The following KCNIP4 variants were observed in gnomAD, a reference collection of about 807,000 sequenced individuals.
KCNIP4 encodes Kv channel-interacting protein 4.
In KCNIP4, 12 loss-of-function variants were observed where a neutral mutation model predicts 34.0. The ratio of observed to expected loss-of-function variants is 0.35; its 90% CI spans 0.23 to 0.57. The LOEUF (loss-of-function observed/expected upper bound fraction) is 0.57. Ranked by LOEUF, KCNIP4 falls within the 20% of genes least tolerant of loss-of-function variation. The probability of loss-of-function intolerance (pLI) is 0.83; values close to 1 mark genes in which losing one functional copy is unlikely to be tolerated. For missense variants in KCNIP4, 238 were observed against 311.7 expected (o/e 0.76, Z 1.78); for synonymous variants, 124 against 102.2 (o/e 1.21, Z -1.29).
At chr4:21,615,640 T>C (rs1037578891) in intron 1 of KCNIP4, among the ~76,000 whole-genome samples, 5 of 152,128 alleles carry the variant, frequency 3.3e-5, no homozygotes, top group African/African-American at 4.8e-5. Context: ...AAACAAAGAA[T>C]TGAGGAGAAA....
chr4:21,487,188 G>T (rs1029796631), intron 1 of KCNIP4, among the ~76,000 whole-genome samples: 3 of 152,000 alleles, frequency 2.0e-5, no homozygotes, highest in Non-Finnish European at 2.9e-5. Context: ...GCATTTAGTT[G>T]TCATGTCTCC....
At chr4:20,982,677 T>C (rs1410154664) in intron 1 of KCNIP4, among the ~76,000 whole-genome samples, 2 of 152,218 alleles carry the variant, frequency 1.3e-5, no homozygotes, top group African/African-American at 4.8e-5. Context: ...AAGGACTTTC[T>C]GAAGATAAGA....
intron 3 of KCNIP4, among the ~76,000 whole-genome samples, chr4:20,769,118 T>A (rs567801176): frequency 6.7e-6 from 1 of 149,172 alleles, no homozygotes; most frequent in African/African-American, 2.5e-5. Flanking sequence ...CTACTACTAA[T>A]GAAGAAATAA....
intron 1 of KCNIP4, among the ~76,000 whole-genome samples, chr4:21,776,427 T>C (rs1719185276): frequency 6.6e-6 from 1 of 152,204 alleles, no homozygotes; most frequent in Non-Finnish European, 1.5e-5. Context: ...TCATGTATTA[T>C]GGAGTTTTCC....
chr4:21,337,047 G>A (rs950064309), intron 1 of KCNIP4, among the ~76,000 whole-genome samples: 3 of 151,730 alleles, frequency 2.0e-5, no homozygotes, highest in Non-Finnish European at 2.9e-5. Flanking sequence ...AGAGGAAAGA[G>A]CATGGCAGGT....
At chr4:21,332,220 C>G (rs12643913) in intron 1 of KCNIP4, among the ~76,000 whole-genome samples, 14,396 of 152,020 alleles carry the variant, frequency 0.095, 868 homozygotes, top group East Asian at 0.14. Flanking sequence ...ATATTAACCC[C>G]TCTGTTGGGA....
At chr4:21,813,676 A>G (rs1346039395) in intron 1 of KCNIP4, among the ~76,000 whole-genome samples, 1 of 152,216 alleles carries the variant, frequency 6.6e-6, no homozygotes, top group Non-Finnish European at 1.5e-5. Flanking sequence ...TTGCATAGAA[A>G]AACCCTTTAA....
chr4:21,614,976 C>T (rs540624040), intron 1 of KCNIP4, among the ~76,000 whole-genome samples: 99 of 152,230 alleles, frequency 6.5e-4, no homozygotes, highest in African/African-American at 2.2e-3. Flanking sequence ...AAGTAGAGCA[C>T]ACCTATTTCT....
chr4:21,018,477 C>CCCA, intron 1 of KCNIP4, among the ~76,000 whole-genome samples: 1 of 152,250 alleles, frequency 6.6e-6, no homozygotes, highest in South Asian at 2.1e-4. Flanking sequence ...GGCCACACCT[C>CCCA]CCACAGACTC....
intron 3 of KCNIP4, among the ~76,000 whole-genome samples, chr4:20,804,423 C>A (rs933865748): frequency 6.6e-6 from 1 of 152,154 alleles, no homozygotes; most frequent in Non-Finnish European, 1.5e-5. Flanking sequence ...ATTTTAAGGT[C>A]ATAGGCTGAA....
chr4:21,466,603 T>C (rs559623752), intron 1 of KCNIP4, among the ~76,000 whole-genome samples: 4 of 152,234 alleles, frequency 2.6e-5, no homozygotes, highest in African/African-American at 9.6e-5. Context: ...AGAGAGAGAA[T>C]GAGAGACAGC....
chr4:21,478,613 TC>T (rs1305517740), intron 1 of KCNIP4, among the ~76,000 whole-genome samples: 2 of 152,260 alleles, frequency 1.3e-5, no homozygotes, highest in East Asian at 3.9e-4. Context: ...GGAAGTACTT[TC>T]CCCGTAAGAC....
intron 1 of KCNIP4, among the ~76,000 whole-genome samples, chr4:21,052,091 G>A (rs1742984989): frequency 6.6e-6 from 1 of 152,190 alleles, no homozygotes; most frequent in African/African-American, 2.4e-5. Context: ...TTCTAACTTT[G>A]TCCCTTGTTT....
intron 1 of KCNIP4, among the ~76,000 whole-genome samples, chr4:21,210,279 T>A (rs1010705792): frequency 1.3e-5 from 2 of 152,232 alleles, no homozygotes; most frequent in Non-Finnish European, 2.9e-5. Flanking sequence ...GTTATTAAAC[T>A]GCCAAAGCCA....
chr4:20,958,731 A>C lies in KCNIP4; in HGVS notation c.62-76022T>G, dbSNP rs1733557326. ...GAGCTCTACTATTTGGGAGATATGC[A>C]AACCTCTAAAATAATCTAAGCTAAT... On this transcript the variant is annotated intron_variant, in intron 1 of 8. Coordinates refer to ENST00000382152, the MANE Select transcript of KCNIP4 (RefSeq NM_025221.6). Among the ~76,000 whole-genome samples, 3 of 152,356 alleles carry C rather than the reference A, an allele frequency of 2.0e-5. No homozygotes were observed. In the South Asian group the frequency reaches 6.2e-4, roughly 32 times the overall value.
At chr4:21,114,845 G>A (rs966739746) in intron 1 of KCNIP4, among the ~76,000 whole-genome samples, 63 of 152,180 alleles carry the variant, frequency 4.1e-4, no homozygotes, top group African/African-American at 1.4e-3. Flanking sequence ...AAATCTCTTC[G>A]ACTCTAAATT....
chr4:21,405,234 C>T (rs1241807910), intron 1 of KCNIP4, among the ~76,000 whole-genome samples: 1 of 152,182 alleles, frequency 6.6e-6, no homozygotes, highest in South Asian at 2.1e-4. Flanking sequence ...TAAATCCCCA[C>T]TTTCTCATGC....
chr4:20,962,962 C>T (rs937481687), intron 1 of KCNIP4, among the ~76,000 whole-genome samples: 1 of 152,258 alleles, frequency 6.6e-6, no homozygotes, highest in Non-Finnish European at 1.5e-5. Context: ...CTAACCGTCA[C>T]TTTGTCTGTA....
At chr4:21,360,891 C>A (rs1489405108) in intron 1 of KCNIP4, among the ~76,000 whole-genome samples, 1 of 152,006 alleles carries the variant, frequency 6.6e-6, no homozygotes, top group African/African-American at 2.4e-5. Flanking sequence ...TCAATATTCC[C>A]CAGAATTATT....
Sources: gnomAD v4.1 joint callset for allele counts (sites outside exome capture counted in the v4.1 genomes callset) on GRCh38, gnomAD v4.1.1 for gene constraint, MANE v1.5 for transcripts, NCBI Gene and HGNC (gene_info 2026-07-23, HGNC 2026-07-21) for gene names.